The following LRBA variants were observed in gnomAD, a reference collection of about 807,000 sequenced individuals.
The protein encoded by LRBA is lipopolysaccharide-responsive and beige-like anchor protein.
In LRBA, 176 loss-of-function variants were observed where a neutral mutation model predicts 330.0. The observed-to-expected ratio is 0.53, with a 90% CI of 0.47 to 0.60. The LOEUF is 0.60. LRBA is among the 20% of genes least tolerant of loss of function. LRBA has a pLI of 0.00. For synonymous variants in LRBA, 1,230 were observed against 1,193.0 expected, an observed-to-expected ratio of 1.03 and a Z score of -0.64; for missense variants, 3,259 against 3,444.8, an observed-to-expected ratio of 0.95 and a Z score of 1.35.
chr4:150,427,313 G>A (rs1467363045), intron 46 of LRBA, among the ~76,000 whole-genome samples: 1 of 151,922 alleles, frequency 6.6e-6, no homozygotes, highest in Non-Finnish European at 1.5e-5. Flanking sequence ...AATAGCATGA[G>A]AAGAAAAATA....
chr4:150,872,576 G>T, intron 18 of LRBA, 87 bp downstream of exon 18: 1 of 801,960 alleles, frequency 1.2e-6, no homozygotes. Context: ...AAAAACTAGA[G>T]GACTATAGAA....
chr4:150,350,211 T>C, intron 47 of LRBA, 52 bp from the exon 48 acceptor site: 2 of 1,323,188 alleles, frequency 1.5e-6, no homozygotes, highest in Non-Finnish European at 2.1e-6. Context: ...TTTAAAAATA[T>C]AGAGAGACAT....
chr4:150,371,133 C>G (rs977916409), intron 47 of LRBA, among the ~76,000 whole-genome samples: 3 of 149,306 alleles, frequency 2.0e-5, no homozygotes, highest in African/African-American at 7.5e-5. Context: ...AATATATAAT[C>G]TATCTCCTTT....
chr4:150,936,482 A>G (rs1371084013), intron 2 of LRBA, among the ~76,000 whole-genome samples: 1 of 152,004 alleles, frequency 6.6e-6, no homozygotes, highest in Non-Finnish European at 1.5e-5. Context: ...GAGTGACAGA[A>G]TCTTCAGACA....
chr4:150,713,534 C>T lies in LRBA; in HGVS notation c.5754+21724G>A, dbSNP rs556161654. Among the ~76,000 whole-genome samples the T allele has an allele frequency of 2.0e-5, 3 of 152,250 alleles. No individual in the cohort carries two copies. In the East Asian group the frequency reaches 5.8e-4, roughly 29 times the overall value. On this transcript the variant is annotated intron_variant, in intron 36 of 56. Transcript: ENST00000651943. ...TTTCAAACTTTTGGTTTTGGCAGTA[C>T]TCTTTTTGCCTATGTAACTGTAACG...
At position 150,852,158 on chromosome 4, in the gene LRBA, T is replaced by C. The variant is rs1479080905; in HGVS notation, c.3552A>G (p.Ala1184=). 5 of 1,614,030 alleles carry C rather than the reference T, an allele frequency of 3.1e-6. No individual in the cohort carries two copies. Among genetic ancestry groups the C allele is most frequent in the Non-Finnish European group, 2.5e-6 (3 of 1,179,972 alleles). ...CTGGTGACATAGCTGAAGACCCTGA[T>C]GCTGTCATAGTCTGAATTCCAGAAT... ...SKDSGIQTMT[A]SGSSAMSPET... is the part of the protein sequence containing the mutation. Residue 1184 remains alanine (A), a synonymous_variant, in exon 23 of 57, where the codon GCA becomes GCG. Transcript: ENST00000651943.
At chr4:150,544,591 CCA>C (rs1257911528) in intron 40 of LRBA, among the ~76,000 whole-genome samples, 2 of 152,154 alleles carry the variant, frequency 1.3e-5, no homozygotes, top group Non-Finnish European at 2.9e-5. Flanking sequence ...CCATGCTACT[CCA>C]CACTTCCTTG....
intron 34 of LRBA, among the ~76,000 whole-genome samples, chr4:150,787,331 T>G (rs1012210553): frequency 6.6e-6 from 1 of 152,228 alleles, no homozygotes; most frequent in East Asian, 1.9e-4. Context: ...GATCCTTTTT[T>G]AAAATTGTTT....
At chr4:150,382,352 G>A (rs527324076) in intron 47 of LRBA, among the ~76,000 whole-genome samples, 103 of 152,196 alleles carry the variant, frequency 6.8e-4, no homozygotes, top group African/African-American at 2.4e-3. Flanking sequence ...GGCTGGGCAC[G>A]GTGGCTCATG....
intron 28 of LRBA, among the ~76,000 whole-genome samples, chr4:150,834,513 A>C (rs1419945833): frequency 6.6e-6 from 1 of 152,228 alleles, no homozygotes; most frequent in African/African-American, 2.4e-5. Context: ...ATAATTTGAA[A>C]AGACTCTTTT....
intron 36 of LRBA, among the ~76,000 whole-genome samples, chr4:150,726,785 A>C (rs1256432385): frequency 1.3e-5 from 2 of 152,130 alleles, no homozygotes; most frequent in African/African-American, 4.8e-5. Context: ...TCCCTCCCTC[A>C]ACACGTGGGG....
chr4:150,801,359 A>T (rs1430505846), intron 33 of LRBA, among the ~76,000 whole-genome samples: 1 of 152,212 alleles, frequency 6.6e-6, no homozygotes, highest in African/African-American at 2.4e-5. Flanking sequence ...GCTTATCATA[A>T]ATTCTGGTTT....
chr4:150,526,144 T>C (rs1444492667), intron 40 of LRBA, among the ~76,000 whole-genome samples: 1 of 152,128 alleles, frequency 6.6e-6, no homozygotes, highest in Non-Finnish European at 1.5e-5. Flanking sequence ...ACATTGCCAA[T>C]GAGGAGACTA....
At chr4:150,703,818 T>C (rs559367098) in intron 36 of LRBA, among the ~76,000 whole-genome samples, 2 of 152,028 alleles carry the variant, frequency 1.3e-5, no homozygotes, top group Non-Finnish European at 2.9e-5. Context: ...TTTGTATGAA[T>C]TTATCAAGGT....
chr4:150,836,692 T>C (rs1748141712), intron 28 of LRBA, among the ~76,000 whole-genome samples: 1 of 152,196 alleles, frequency 6.6e-6, no homozygotes, highest in Admixed American at 6.5e-5. Flanking sequence ...TCTTTTCTTC[T>C]TTATTAGTCT....
intron 2 of LRBA, among the ~76,000 whole-genome samples, chr4:151,005,636 A>G (rs557094390): frequency 1.5e-3 from 174 of 119,232 alleles, no homozygotes; most frequent in African/African-American, 5.7e-3. Flanking sequence ...ACGTAATCTC[A>G]TTCTGTCACC....
At position 150,991,419 on chromosome 4, in the gene LRBA, G is replaced by T. The variant is rs187819827; in HGVS notation, c.216+23008C>A. ...AAAGGTTTGGGGCAACTTACCCAAA[G>T]TAACTGGATAAACAAATTGTAATTA... On this transcript the variant is annotated intron_variant, in intron 2 of 56. Transcript: ENST00000651943. Among the ~76,000 whole-genome samples, 376 of 152,334 alleles carry T rather than the reference G, an allele frequency of 2.5e-3. 3 individuals are homozygous for T. Among genetic ancestry groups the T allele is most frequent in the Non-Finnish European group, 4.4e-3 (301 of 68,024 alleles).
At position 150,352,825 on chromosome 4, in the gene LRBA, T is replaced by C. The variant is rs1427324460; in HGVS notation, c.7195-2666A>G. ...GTCTTAATTTGTGTGCAGTGCACTC[T>C]ACACAAAAGCCCTAAATATGTTCAA... On this transcript the variant is annotated intron_variant, in intron 47 of 56. Coordinates refer to ENST00000651943, the MANE Select transcript of LRBA (RefSeq NM_001364905.1). 2.0e-5 allele frequency among the ~76,000 whole-genome samples: 3 copies of C among 152,338 alleles called. No individual in the cohort carries two copies. In the South Asian group the frequency reaches 6.2e-4, roughly 32 times the overall value.
chr4:150,985,789 C>T (rs952392223), intron 2 of LRBA, among the ~76,000 whole-genome samples: 4 of 152,010 alleles, frequency 2.6e-5, no homozygotes, highest in African/African-American at 4.8e-5. Context: ...TGAGCCACCG[C>T]GCCCAGTTGA....
Sources: allele counts gnomAD v4.1 joint callset (sites outside exome capture counted in the v4.1 genomes callset), GRCh38; gene constraint gnomAD v4.1.1; transcripts MANE v1.5; gene names NCBI Gene and HGNC (gene_info 2026-07-23, HGNC 2026-07-21).